WNK1: variants seen among roughly 807,000 people sequenced by gnomAD.
The protein encoded by WNK1 is WNK lysine deficient protein kinase 1.
In WNK1, 38 loss-of-function variants were observed where a neutral mutation model predicts 222.8. The observed-to-expected ratio is 0.17, with a 90% CI of 0.13 to 0.22. The LOEUF is 0.22. WNK1 is among the 10% of genes least tolerant of loss of function. The pLI is 1.00. For missense variants in WNK1, 2,348 were observed against 2,918.4 expected (o/e 0.80, Z 4.50); for synonymous variants, 1,090 against 1,092.9 (o/e 1.00, Z 0.05).
Position 860,998 on chromosome 12 carries a change from C to A in WNK1, c.1621-15C>A. The stretch of plus-strand genomic sequence containing the variant: ...TTCAATATACTACTGCTTAATTTAC[C>A]CTTTTATTCTGTAGGTAGAGTCTGG... On this transcript the variant is annotated splice_polypyrimidine_tract_variant and intron_variant, in intron 6 of 27. Transcript: ENST00000315939. The A allele has an allele frequency of 6.2e-7, 1 of 1,612,098 alleles. No individual in the cohort carries two copies. The highest frequency in any genetic ancestry group is 8.5e-7 in the Non-Finnish European group (1 of 1,178,910).
chr12:765,088 C>A (rs1212798327), intron 1 of WNK1, among the ~76,000 whole-genome samples: 1 of 148,132 alleles, frequency 6.8e-6, no homozygotes, highest in African/African-American at 2.4e-5. Context: ...TCTCAGTCTT[C>A]CAAAGTGCTG....
chr12:833,595 T>A (rs148821405), intron 4 of WNK1, among the ~76,000 whole-genome samples: 342 of 152,368 alleles, frequency 2.2e-3, no homozygotes, highest in African/African-American at 7.8e-3. Context: ...CTGATTGGTT[T>A]CACTGTATAA....
At chr12:794,502 A>ATG (rs71051384) in intron 1 of WNK1, among the ~76,000 whole-genome samples, 81,868 of 148,078 alleles carry the variant, frequency 0.55, 22,888 homozygotes, top group East Asian at 0.8. Flanking sequence ...AGTTGGTTGA[A>ATG]TTTTTTTTTT....
intron 25 of WNK1, among the ~76,000 whole-genome samples, chr12:899,114 T>C (rs1238009770): frequency 6.6e-6 from 1 of 152,150 alleles, no homozygotes; most frequent in African/African-American, 2.4e-5. Flanking sequence ...TTAACACAAT[T>C]AGTTGAAAAG....
chr12:845,141 C>CGCCTCA (rs1949939302), intron 4 of WNK1, among the ~76,000 whole-genome samples: 2 of 151,614 alleles, frequency 1.3e-5, no homozygotes, highest in South Asian at 4.2e-4. Flanking sequence ...GTGATCCGCC[C>CGCCTCA]GCCTCAGCCT....
rs1953179626 is a variant in WNK1, at chr12:881,730, A to G, written c.3150A>G (p.Pro1050=). The change falls in exon 13 of 28, where the codon CCA becomes CCG. Residue 1050 remains proline, a synonymous_variant. Transcript: ENST00000315939. ...QGVSQVAPAE[P]VAVAQTQATQ... ...TCTCTCAGGTTGCTCCTGCAGAGCCAGTTGCAGTAGCACAGACCCAAGCTA... is the reference window on the plus strand; with the variant it reads ...TCTCTCAGGTTGCTCCTGCAGAGCCGGTTGCAGTAGCACAGACCCAAGCTA... The G allele has an allele frequency of 1.9e-6, 3 of 1,614,188 alleles. No homozygotes were observed. Among genetic ancestry groups the G allele is most frequent in the Non-Finnish European group, 2.5e-6 (3 of 1,180,024 alleles).
At chr12:847,801 C>CTTTTTTTT (rs898832948) in intron 4 of WNK1, among the ~76,000 whole-genome samples, 9 of 68,642 alleles carry the variant, frequency 1.3e-4, no homozygotes, top group Non-Finnish European at 1.6e-4. Context: ...GATTAATTCT[C>CTTTTTTTT]TTTTTTTTTT....
intron 26 of WNK1, among the ~76,000 whole-genome samples, chr12:903,671 G>A (rs998032586): frequency 1.3e-5 from 2 of 152,126 alleles, no homozygotes; most frequent in African/African-American, 4.8e-5. Flanking sequence ...TTCCCTTTGG[G>A]TGCAAAATGA....
Position 883,792 on chromosome 12 carries a change from A to C in WNK1, c.3682A>C (p.Lys1228Gln). The part of the protein sequence containing the change: ...SGSQKLEGEF[K>Q]QPIPASSMPQ... ...GTTGTAGAAATTGGAAGGAGAGTTCAAACAACCAATTCCTGCGTCTTCCAT... is the reference window on the plus strand; with the variant it reads ...GTTGTAGAAATTGGAAGGAGAGTTCCAACAACCAATTCCTGCGTCTTCCAT... The change falls in exon 17 of 28, where the codon AAA (lysine) becomes CAA (glutamine). Residue 1228 changes from lysine (K) to glutamine (Q), a missense_variant. Lys to Gln is a moderately conservative substitution (Grantham distance 53). Transcript: ENST00000315939. 3 of 1,614,162 alleles carry C rather than the reference A, an allele frequency of 1.9e-6. No individual in the cohort carries two copies. The South Asian group carries it at 3.3e-5, about 18-fold the overall frequency.
rs1555117641 is a variant in WNK1, at chr12:837,588, A to AAAAAG, written c.1311+7443_1311+7447dup. Among the ~76,000 whole-genome samples the AAAAAG allele has an allele frequency of 3.3e-3, 443 of 133,332 alleles. 9 individuals carry two copies. The highest frequency in any genetic ancestry group is 4.4e-3 in the East Asian group (19 of 4,306). The allele number at this position is 133,332 out of a possible 152,430, so 87.5% of individuals were successfully genotyped here. A position where few individuals can be genotyped will look rare whatever the true frequency, so the allele number is the denominator to read the frequency against. ...GACCCTGTCTAAAAAAAAAAAAAAA[A>AAAAAG]AAAAGAAAAGAAAAGAAAAAAGATA... On this transcript the variant is annotated intron_variant, in intron 4 of 27. Transcript: ENST00000315939.
intron 9 of WNK1, among the ~76,000 whole-genome samples, chr12:875,275 T>A (rs1204789621): frequency 6.6e-6 from 1 of 152,186 alleles, no homozygotes; most frequent in Non-Finnish European, 1.5e-5. Flanking sequence ...TCCTCAAATT[T>A]ATCCGTTAGA....
intron 7 of WNK1, among the ~76,000 whole-genome samples, chr12:861,869 G>GT (rs954469136): frequency 1.3e-5 from 2 of 152,138 alleles, no homozygotes; most frequent in Non-Finnish European, 2.9e-5. Context: ...TACTCCTCAG[G>GT]TGGTAAGATT....
intron 4 of WNK1, among the ~76,000 whole-genome samples, chr12:831,558 T>C (rs896589797): frequency 6.6e-6 from 1 of 151,858 alleles, no homozygotes; most frequent in African/African-American, 2.4e-5. Flanking sequence ...AAAAATTCCT[T>C]TGTCTTCCAT....
chr12:838,078 A>AGTGT (rs3072742), intron 4 of WNK1, among the ~76,000 whole-genome samples: 32,401 of 148,688 alleles, frequency 0.22, 3,508 homozygotes, highest in Middle Eastern at 0.25. Flanking sequence ...GTAATATTCC[A>AGTGT]GTGTGTGTGT....
At chr12:854,994 G>A (rs1025413511) in intron 4 of WNK1, among the ~76,000 whole-genome samples, 13 of 152,156 alleles carry the variant, frequency 8.5e-5, no homozygotes, top group Admixed American at 3.9e-4. Context: ...TATACAGTTC[G>A]TTGAATCCAC....
intron 20 of WNK1, 31 bp downstream of exon 20, chr12:887,335 T>G: frequency 6.2e-7 from 1 of 1,609,134 alleles, no homozygotes; most frequent in Non-Finnish European, 8.5e-7. Flanking sequence ...TTTCTTCCTG[T>G]GCCCTACTTT....
rs757588129 is a variant in WNK1 at position 763,454 on chromosome 12, T to C, written c.759+9130T>C. On this transcript the variant is annotated intron_variant, in intron 1 of 27. Coordinates refer to ENST00000315939, the MANE Select transcript of WNK1 (RefSeq NM_018979.4). ...CAAAAAAAAAACTAGCCGGGTGTGG[T>C]GGTGCATGCCTGTAATCCCAGCTAC... 6.0e-4 allele frequency among the ~76,000 whole-genome samples: 88 copies of C among 146,158 alleles called. 10 individuals are homozygous for C. The highest frequency in any genetic ancestry group is 7.1e-3 in the Middle Eastern group (2 of 280).
chr12:759,521 G>A (rs1238629269), intron 1 of WNK1, among the ~76,000 whole-genome samples: 1 of 147,138 alleles, frequency 6.8e-6, no homozygotes, highest in Non-Finnish European at 1.5e-5. Flanking sequence ...AGTAGAGATG[G>A]GGTTTCACCA....
rs1003404300 is a variant in WNK1, at chr12:879,760, C to T, written c.2561C>T (p.Ala854Val). Residue 854 changes from alanine (A) to valine (V), a missense_variant, in exon 11 of 28, where the codon GCT becomes GTT. By Grantham distance (64) the Ala-to-Val change is moderately conservative. Around this residue, in one of 13 missense-constraint regions of WNK1, gnomAD observed 547 missense variants for 558.3 expected, o/e 0.98. Transcript: ENST00000315939. ...IPISTPHVSTAQTGFSSLPIT... is the reference protein window; with the variant it reads ...IPISTPHVSTVQTGFSSLPIT... ...ATATCAACTCCTCATGTGTCTACGG[C>T]TCAGACAGGTTTCTCATCCCTTCCC... 13 of 1,614,074 alleles carry T rather than the reference C, an allele frequency of 8.1e-6. No individual in the cohort carries two copies. Among genetic ancestry groups the T allele is most frequent in the Non-Finnish European group, 1.1e-5 (13 of 1,180,014 alleles).
Sources: gnomAD v4.1 joint callset for allele counts (sites outside exome capture counted in the v4.1 genomes callset) on GRCh38, gnomAD v4.1.1 for gene constraint, gnomAD v4.1.1 regional missense constraint, MANE v1.5 for transcripts, NCBI Gene and HGNC (gene_info 2026-07-23, HGNC 2026-07-21) for gene names.